ASTN2: variants seen among roughly 807,000 people sequenced by gnomAD.
The protein encoded by ASTN2 is astrotactin-2.
Under a neutral mutation model 139.8 loss-of-function variants are expected in ASTN2, and 54 were observed. That is an observed-to-expected ratio of 0.39 (90% CI 0.31 to 0.48). The LOEUF (loss-of-function observed/expected upper bound fraction) is 0.48, where lower values mean the gene tolerates loss of function less well. Among genes scored for constraint, ASTN2 ranks in the 20% least tolerant of loss-of-function variants. The pLI, the probability that ASTN2 is intolerant of heterozygous loss-of-function variation, is 0.95. For synonymous variants in ASTN2, 756 were observed against 719.5 expected, an observed-to-expected ratio of 1.05 and a Z score of -0.81; for missense variants, 1,565 against 1,725.1, an observed-to-expected ratio of 0.91 and a Z score of 1.64.
chr9:116,653,206 A>G (rs1858023803), intron 16 of ASTN2, among the ~76,000 whole-genome samples: 1 of 152,218 alleles, frequency 6.6e-6, no homozygotes, highest in Admixed American at 6.5e-5. Flanking sequence ...CTGAATGGCT[A>G]GAACTATATT....
At chr9:117,071,463 TG>T (rs1828124028) in intron 5 of ASTN2, among the ~76,000 whole-genome samples, 2 of 150,624 alleles carry the variant, frequency 1.3e-5, no homozygotes, top group Non-Finnish European at 3.0e-5. Context: ...GCTGTCTTTT[TG>T]TTTGTCTGTG....
intron 10 of ASTN2, among the ~76,000 whole-genome samples, chr9:116,974,253 A>G (rs982812224): frequency 1.3e-5 from 2 of 152,234 alleles, no homozygotes; most frequent in Admixed American, 1.3e-4. Context: ...ATCTAAGACC[A>G]CAGACTTAAT....
At chr9:116,800,454 C>T (rs576422105) in intron 13 of ASTN2, among the ~76,000 whole-genome samples, 14 of 152,144 alleles carry the variant, frequency 9.2e-5, no homozygotes, top group Non-Finnish European at 1.3e-4. Flanking sequence ...GGAAATATCA[C>T]CACATGCTCG....
intron 1 of ASTN2, among the ~76,000 whole-genome samples, chr9:117,313,355 A>C (rs1385595404): frequency 6.6e-6 from 1 of 152,190 alleles, no homozygotes; most frequent in African/African-American, 2.4e-5. Flanking sequence ...GAGGAGTCAG[A>C]CAAGGTCTTC....
intron 10 of ASTN2, among the ~76,000 whole-genome samples, chr9:116,916,419 A>G (rs1450620750): frequency 6.6e-6 from 1 of 152,208 alleles, no homozygotes; most frequent in Non-Finnish European, 1.5e-5. Context: ...GGTGAGGAAA[A>G]TAAGCTCAGA....
intron 1 of ASTN2, among the ~76,000 whole-genome samples, chr9:117,327,050 C>G (rs918196707): frequency 6.6e-6 from 1 of 152,154 alleles, no homozygotes; most frequent in African/African-American, 2.4e-5. Context: ...TGCTCCACCT[C>G]ATATCATCAG....
At chr9:117,219,213 C>A (rs568213534) in intron 2 of ASTN2, among the ~76,000 whole-genome samples, 43 of 152,254 alleles carry the variant, frequency 2.8e-4, no homozygotes, top group African/African-American at 1.0e-3. Context: ...AGGCTTCTGT[C>A]CTGGTCCACA....
At chr9:116,476,982 A>T (rs1340861795) in intron 20 of ASTN2, among the ~76,000 whole-genome samples, 4 of 152,106 alleles carry the variant, frequency 2.6e-5, no homozygotes, top group Non-Finnish European at 5.9e-5. Flanking sequence ...GAGAAAGCCC[A>T]GCTCCTCTGC....
At chr9:117,340,003 A>G (rs1319540707) in intron 1 of ASTN2, among the ~76,000 whole-genome samples, 5 of 151,942 alleles carry the variant, frequency 3.3e-5, no homozygotes, top group Non-Finnish European at 7.4e-5. Flanking sequence ...CATGGCCCAG[A>G]GTGTGGCCTT....
intron 19 of ASTN2, among the ~76,000 whole-genome samples, chr9:116,490,677 C>T (rs1849492760): frequency 6.6e-6 from 1 of 152,064 alleles, no homozygotes; most frequent in African/African-American, 2.4e-5. Context: ...AATGAGTGCC[C>T]AGGGAAGGGG....
chr9:117,274,831 A>T (rs1014730975), intron 2 of ASTN2, among the ~76,000 whole-genome samples: 1 of 152,206 alleles, frequency 6.6e-6, no homozygotes, highest in African/African-American at 2.4e-5. Flanking sequence ...TGTTCTTCCA[A>T]TTGGATTAGG....
intron 10 of ASTN2, among the ~76,000 whole-genome samples, chr9:116,909,527 C>T (rs1019437993): frequency 8.5e-5 from 13 of 152,118 alleles, no homozygotes; most frequent in African/African-American, 2.4e-4. Context: ...AGACATGGTA[C>T]GTTTGAGATG....
At chr9:116,793,072 C>T (rs975768462) in intron 13 of ASTN2, among the ~76,000 whole-genome samples, 1 of 151,706 alleles carries the variant, frequency 6.6e-6, no homozygotes, top group Non-Finnish European at 1.5e-5. Context: ...AGGTAAAAAA[C>T]CTGCACATGT....
chr9:116,507,440 C>T (rs1010489442), intron 19 of ASTN2, among the ~76,000 whole-genome samples: 1 of 152,166 alleles, frequency 6.6e-6, no homozygotes, highest in African/African-American at 2.4e-5. Context: ...AGACTTTCTA[C>T]TGAACTAGAA....
At chr9:116,758,819 C>T (rs1189747804) in intron 13 of ASTN2, among the ~76,000 whole-genome samples, 2 of 152,146 alleles carry the variant, frequency 1.3e-5, no homozygotes, top group African/African-American at 4.8e-5. Flanking sequence ...TCTGTATTCC[C>T]AGGGCTGCCT....
intron 1 of ASTN2, among the ~76,000 whole-genome samples, chr9:117,410,788 C>T (rs564571126): frequency 1.8e-4 from 27 of 152,252 alleles, no homozygotes; most frequent in African/African-American, 6.5e-4. Context: ...GTATCATCTC[C>T]ATCACTCATT....
chr9:117,274,785 G>T (rs973760921), intron 2 of ASTN2, among the ~76,000 whole-genome samples: 1 of 152,198 alleles, frequency 6.6e-6, no homozygotes, highest in African/African-American at 2.4e-5. Flanking sequence ...CCAAGAAATG[G>T]TCTTCAAAAG....
intron 2 of ASTN2, among the ~76,000 whole-genome samples, chr9:117,246,293 C>G (rs1371581800): frequency 6.6e-6 from 1 of 152,192 alleles, no homozygotes; most frequent in Non-Finnish European, 1.5e-5. Context: ...ATTACTCTAG[C>G]TTTTCCTTCC....
rs151261471 is a variant in ASTN2, at chr9:117,193,259, A to G, written c.1015+21099T>C. On this transcript the variant is annotated intron_variant, in intron 3 of 22. Coordinates refer to ENST00000313400, the MANE Select transcript of ASTN2 (RefSeq NM_001365068.1). Reference sequence around the variant, plus strand: ...GACATTTAAAATGCAAAATTCAAACATCACTGGGAATAGGGAGAGGACAGA... The same window carrying G: ...GACATTTAAAATGCAAAATTCAAACGTCACTGGGAATAGGGAGAGGACAGA... Among the ~76,000 whole-genome samples the G allele has an allele frequency of 8.5e-3, 1,290 of 152,266 alleles. 15 individuals are homozygous for G. Among genetic ancestry groups the G allele is most frequent in the South Asian group, 0.04 (191 of 4,830 alleles).
Sources: allele counts gnomAD v4.1 joint callset (sites outside exome capture counted in the v4.1 genomes callset), GRCh38; gene constraint gnomAD v4.1.1; transcripts MANE v1.5; gene names NCBI Gene and HGNC (gene_info 2026-07-23, HGNC 2026-07-21).